The following RAP1GAP2 variants were observed in gnomAD, a reference collection of about 807,000 sequenced individuals.
The protein encoded by RAP1GAP2 is rap1 GTPase-activating protein 2.
A neutral mutation model predicts 95.0 loss-of-function variants in RAP1GAP2; 27 were observed. The observed-to-expected ratio is 0.28, with a 90% CI of 0.21 to 0.39. The LOEUF (loss-of-function observed/expected upper bound fraction) is 0.39, where lower values mean the gene tolerates loss of function less well. RAP1GAP2 is among the 10% of genes least tolerant of loss of function. RAP1GAP2 has a pLI of 1.00. For synonymous variants in RAP1GAP2, 373 were observed against 380.9 expected, an observed-to-expected ratio of 0.98 and a Z score of 0.24; for missense variants, 771 against 970.0, an observed-to-expected ratio of 0.79 and a Z score of 2.72.
chr17:2,793,731 C>T (rs115707143), upstream of RAP1GAP2, among the ~76,000 whole-genome samples: 305 of 152,344 alleles, frequency 2.0e-3, 1 homozygote, highest in African/African-American at 6.7e-3. Flanking sequence ...TTTATTCGTA[C>T]GGCTGGCTCT....
At chr17:2,849,998 G>GTTTTT (rs1363363543) in intron 2 of RAP1GAP2, among the ~76,000 whole-genome samples, 8 of 136,130 alleles carry the variant, frequency 5.9e-5, no homozygotes, top group African/African-American at 2.7e-5. Context: ...AACACTGCCT[G>GTTTTT]CTTTTTTTTT....
Position 3,024,643 on chromosome 17 carries a change from C to G in RAP1GAP2, c.1752-1365C>G, listed in dbSNP as rs1265288421. Reference sequence around the variant, plus strand: ...CTCATGGCAGCACTATTTATCATAGCCCAAAGTGGAAACAGTCCAAATGTC... The same window carrying G: ...CTCATGGCAGCACTATTTATCATAGGCCAAAGTGGAAACAGTCCAAATGTC... On this transcript the variant is annotated intron_variant, in intron 19 of 24. Coordinates refer to ENST00000254695, the MANE Select transcript of RAP1GAP2 (RefSeq NM_015085.5). Among the ~76,000 whole-genome samples the G allele has an allele frequency of 2.0e-5, 3 of 152,264 alleles. No homozygotes were observed. In the East Asian group the frequency reaches 5.8e-4, roughly 29 times the overall value.
At chr17:2,942,799 G>A (rs1399706769) in intron 3 of RAP1GAP2, among the ~76,000 whole-genome samples, 1 of 152,030 alleles carries the variant, frequency 6.6e-6, no homozygotes, top group African/African-American at 2.4e-5. Flanking sequence ...ACGGAGTCTT[G>A]CTCTGTCACC....
chr17:2,763,386 G>C (rs941195412), intron 1 of RAP1GAP2, among the ~76,000 whole-genome samples: 11 of 152,068 alleles, frequency 7.2e-5, no homozygotes, highest in Admixed American at 4.6e-4. Context: ...CAGGCAGGCA[G>C]AGAAATGCTG....
At position 3,027,152 on chromosome 17, in the gene RAP1GAP2, G is replaced by T; in HGVS notation, c.2107+82G>T. On this transcript the variant is annotated intron_variant, in intron 22 of 24. Transcript: ENST00000254695. The surrounding 1 kb of genome is among the most constrained non-coding windows in gnomAD (Gnocchi z 5.2). ...CCACTGTTAGCAGGGCCCCAGCCAC[G>T]CTGAACTGGCCAGTTTTCACCCCTC... The T allele has an allele frequency of 2.0e-6, 3 of 1,465,248 alleles. No individual in the cohort carries two copies. The highest frequency in any genetic ancestry group is 2.3e-5 in the Admixed American group (1 of 43,460). The allele number at this position is 1,465,248 out of a possible 1,614,324, so 90.8% of individuals were successfully genotyped here.
chr17:3,006,050 G>A lies in RAP1GAP2; in HGVS notation c.1359+9G>A. ...AGTTTGCAAAGCTGGAGGTGAGAGT[G>A]TGGTTTCTGAAGGTCTCCCTCCTGA... On this transcript the variant is annotated intron_variant, in intron 16 of 24. Coordinates refer to ENST00000254695, the MANE Select transcript of RAP1GAP2 (RefSeq NM_015085.5). 1 of 1,606,502 alleles carries A rather than the reference G, an allele frequency of 6.2e-7. No homozygotes were observed. Among genetic ancestry groups the A allele is most frequent in the Non-Finnish European group, 8.5e-7 (1 of 1,175,168 alleles).
At chr17:2,883,685 T>A (rs1440590898) in intron 2 of RAP1GAP2, among the ~76,000 whole-genome samples, 1 of 152,246 alleles carries the variant, frequency 6.6e-6, no homozygotes, top group African/African-American at 2.4e-5. Flanking sequence ...GTAAAGCTGT[T>A]ACCTCCCTTG....
At chr17:2,880,389 T>C (rs1192979214) in intron 2 of RAP1GAP2, among the ~76,000 whole-genome samples, 1 of 150,400 alleles carries the variant, frequency 6.6e-6, no homozygotes, top group East Asian at 1.9e-4. Flanking sequence ...TTGAGCCACA[T>C]GGTCATGGGA....
At chr17:2,946,464 C>T (rs73976734) in intron 3 of RAP1GAP2, among the ~76,000 whole-genome samples, 3,069 of 152,224 alleles carry the variant, frequency 0.02, 113 homozygotes, top group African/African-American at 0.069. Context: ...TCCCATCACT[C>T]GTTTAGGTTG....
At chr17:2,924,985 A>G (rs962826631) in intron 3 of RAP1GAP2, among the ~76,000 whole-genome samples, 2 of 152,212 alleles carry the variant, frequency 1.3e-5, no homozygotes, top group Admixed American at 1.3e-4. Flanking sequence ...TGAGATCCCC[A>G]ATGGTGCCCT....
chr17:2,841,228 A>G (rs1263836153), intron 2 of RAP1GAP2, among the ~76,000 whole-genome samples: 1 of 152,136 alleles, frequency 6.6e-6, no homozygotes, highest in African/African-American at 2.4e-5. Flanking sequence ...AAGTCTTTTC[A>G]GTATTTAATT....
At chr17:2,985,618 A>G (rs1347888804) in intron 11 of RAP1GAP2, among the ~76,000 whole-genome samples, 6 of 152,186 alleles carry the variant, frequency 3.9e-5, no homozygotes, top group African/African-American at 1.4e-4. Context: ...GTGACTCAAA[A>G]TATGCCAGCA....
At chr17:2,890,699 T>TC (rs112740540) in intron 2 of RAP1GAP2, among the ~76,000 whole-genome samples, 4,336 of 151,452 alleles carry the variant, frequency 0.029, 200 homozygotes, top group African/African-American at 0.097. Context: ...TTTTTTTTTT[T>TC]TTTGAGACAG....
intron 22 of RAP1GAP2, among the ~76,000 whole-genome samples, chr17:3,030,143 G>A (rs56992883): frequency 0.2 from 28,680 of 145,300 alleles, 2,976 homozygotes; most frequent in African/African-American, 0.25. Flanking sequence ...TATATTATAT[G>A]TTATATGTAT....
rs759379632 is a variant in RAP1GAP2, at chr17:2,827,020, G to GAGAA, written c.80+26482_80+26485dup. Among the ~76,000 whole-genome samples the GAGAA allele has an allele frequency of 4.8e-5, 7 of 146,110 alleles. No individual in the cohort carries two copies. In the East Asian group the frequency reaches 5.8e-4, roughly 12 times the overall value. ...ACTCCGTTTCGAGAGAGAGAGAGGAGAGAAAGAAAGAAAGAGAGAGAGAAA... is the reference window on the plus strand; with the variant it reads ...ACTCCGTTTCGAGAGAGAGAGAGGAGAGAAAGAAAGAAAGAAAGAGAGAGAGAAA... On this transcript the variant is annotated intron_variant, in intron 2 of 24. Coordinates refer to ENST00000254695, the MANE Select transcript of RAP1GAP2 (RefSeq NM_015085.5). This position sits in a 1 kb window ranked among gnomAD's most constrained non-coding sequence, Gnocchi z 4.1.
At chr17:2,778,919 G>C (rs1471129657) in intron 1 of RAP1GAP2, among the ~76,000 whole-genome samples, 1 of 152,216 alleles carries the variant, frequency 6.6e-6, no homozygotes, top group Non-Finnish European at 1.5e-5. Context: ...GAGAAACAGG[G>C]AAGCACTTAC....
rs369511769 is a variant in RAP1GAP2, at chr17:2,922,420, A to G, written c.165+17052A>G. ...AGGTTACACACTCAGGTTCCTGGAT[A>G]CAGACATATCTTTTTGGGGGCCACC... is the stretch of plus-strand genomic sequence containing the variant. On this transcript the variant is annotated intron_variant, in intron 3 of 24. Coordinates refer to ENST00000254695, the MANE Select transcript of RAP1GAP2 (RefSeq NM_015085.5). 5.3e-5 allele frequency among the ~76,000 whole-genome samples: 8 copies of G among 152,302 alleles called. No individual in the cohort carries two copies. In the South Asian group the frequency reaches 1.2e-3, roughly 24 times the overall value.
In RAP1GAP2 at chr17:2,904,587, A is replaced by G. The variant is rs1217970129; in HGVS notation, c.81-697A>G. ...GTGTGTGTACGTGCAGAGGGGCTCA[A>G]GGGAGAATGAATCCGCGTTTCTCCC... On this transcript the variant is annotated intron_variant, in intron 2 of 24. Transcript: ENST00000254695. The surrounding 1 kb of genome is among the most constrained non-coding windows in gnomAD (Gnocchi z 4.7). Among the ~76,000 whole-genome samples, 2 of 99,386 alleles carry G rather than the reference A, an allele frequency of 2.0e-5. No individual in the cohort carries two copies. The highest frequency in any genetic ancestry group is 4.9e-5 in the Non-Finnish European group (2 of 41,010). The allele number at this position is 99,386 out of a possible 152,430, so 65.2% of individuals were successfully genotyped here.
chr17:2,957,743 T>C lies in RAP1GAP2; in HGVS notation c.166-16T>C. 6.2e-7 allele frequency: 1 copy of C among 1,605,632 alleles called. No individual in the cohort carries two copies. On this transcript the variant is annotated splice_polypyrimidine_tract_variant and intron_variant, in intron 3 of 24. Transcript: ENST00000254695. Reference sequence around the variant, plus strand: ...GCTGATCCCTGTCTTTCTGTCCCCCTGCTTTTGTCTTTCAGTCGTCGGAGT... The same window carrying C: ...GCTGATCCCTGTCTTTCTGTCCCCCCGCTTTTGTCTTTCAGTCGTCGGAGT...
Sources: gnomAD v4.1 joint callset for allele counts (sites outside exome capture counted in the v4.1 genomes callset) on GRCh38, gnomAD v4.1.1 for gene constraint, Gnocchi (gnomAD v3.1) non-coding constraint, MANE v1.5 for transcripts, NCBI Gene and HGNC (gene_info 2026-07-23, HGNC 2026-07-21) for gene names.